The following RIMS1 variants were observed in gnomAD, a reference collection of about 807,000 sequenced individuals.
RIMS1 encodes the protein regulating synaptic membrane exocytosis 1, also known as regulating synaptic membrane exocytosis protein 1.
A neutral mutation model predicts 214.1 loss-of-function variants in RIMS1; 83 were observed. That is an observed-to-expected ratio of 0.39 (90% confidence interval 0.32 to 0.47). The LOEUF is 0.47. Among genes scored for constraint, RIMS1 ranks in the 20% least tolerant of loss-of-function variants. The pLI, the probability that RIMS1 is intolerant of heterozygous loss-of-function variation, is 0.99. For synonymous variants in RIMS1, 793 were observed against 786.8 expected (o/e 1.01, Z -0.13); for missense variants, 2,050 against 2,161.8 (o/e 0.95, Z 1.03).
intron 2 of RIMS1, among the ~76,000 whole-genome samples, chr6:72,041,342 G>A (rs1280381683): frequency 6.6e-6 from 1 of 151,714 alleles, no homozygotes. Flanking sequence ...AGATAATAGA[G>A]GTTTTGAAAA....
chr6:72,274,229 C>G, intron 22 of RIMS1, 120 bp from the exon 23 acceptor site: 3 of 570,396 alleles, frequency 5.3e-6, no homozygotes, highest in Non-Finnish European at 9.5e-6. Flanking sequence ...AATTATGGAG[C>G]AAAGAATCTA....
At chr6:72,219,911 C>G (rs1211516617) in intron 6 of RIMS1, among the ~76,000 whole-genome samples, 1 of 151,836 alleles carries the variant, frequency 6.6e-6, no homozygotes, top group African/African-American at 2.4e-5. Flanking sequence ...TAGCATATAT[C>G]TGAAATTGTC....
intron 2 of RIMS1, among the ~76,000 whole-genome samples, chr6:72,049,322 TA>T (rs760268928): frequency 8.5e-5 from 13 of 152,102 alleles, no homozygotes; most frequent in Non-Finnish European, 1.3e-4. Flanking sequence ...TCAGAGCCCG[TA>T]TTTGGGAACT....
intron 1 of RIMS1, among the ~76,000 whole-genome samples, chr6:71,936,091 C>A (rs1193886444): frequency 2.0e-5 from 3 of 151,754 alleles, no homozygotes; most frequent in African/African-American, 7.3e-5. Flanking sequence ...TGGCTCACGC[C>A]TGTAATCCCA....
chr6:72,164,844 G>A (rs573887309), intron 4 of RIMS1, among the ~76,000 whole-genome samples: 1 of 152,312 alleles, frequency 6.6e-6, no homozygotes, highest in East Asian at 1.9e-4. Context: ...AGAGAACAGT[G>A]TGGTCTCTTT....
intron 4 of RIMS1, among the ~76,000 whole-genome samples, chr6:72,161,429 G>C (rs540341411): frequency 7.1e-6 from 1 of 140,118 alleles, no homozygotes; most frequent in Admixed American, 7.3e-5. Context: ...CCTTCTGTTA[G>C]CTTTTGAATG....
At chr6:72,285,801 C>T (rs1037595585) in intron 24 of RIMS1, among the ~76,000 whole-genome samples, 20 of 152,196 alleles carry the variant, frequency 1.3e-4, no homozygotes, top group African/African-American at 4.3e-4. Flanking sequence ...CCATCATTTT[C>T]AGCCCCCTCT....
chr6:72,263,521 T>G (rs1295661637), intron 19 of RIMS1: 2 of 985,212 alleles, frequency 2.0e-6, no homozygotes, highest in Non-Finnish European at 2.4e-6. Context: ...TGTGCTATTT[T>G]CTAGCTGTTT....
chr6:72,246,600 T>C (rs567416620), intron 11 of RIMS1, among the ~76,000 whole-genome samples: 1 of 152,162 alleles, frequency 6.6e-6, no homozygotes, highest in South Asian at 2.1e-4. Flanking sequence ...AAACCAGTGA[T>C]AGTGATTAGA....
intron 17 of RIMS1, 128 bp downstream of exon 17, chr6:72,258,409 G>A: frequency 9.5e-7 from 1 of 1,048,874 alleles, no homozygotes; most frequent in Non-Finnish European, 1.3e-6. Context: ...ATTAATTGTA[G>A]GCAAAATTTT....
intron 6 of RIMS1, among the ~76,000 whole-genome samples, chr6:72,215,605 A>G (rs774490264): frequency 1.1e-4 from 16 of 152,204 alleles, no homozygotes; most frequent in Non-Finnish European, 2.4e-4. Context: ...AATAAAATTA[A>G]TAGACAGTAT....
rs1482361650 is a variant in RIMS1, at chr6:72,183,122, C to T, written c.1651C>T (p.Leu551=). 15 of 1,591,998 alleles carry T rather than the reference C, an allele frequency of 9.4e-6. No homozygotes were observed. The highest frequency in any genetic ancestry group is 1.2e-5 in the Non-Finnish European group (14 of 1,170,396). Residue 551 remains leucine, a synonymous_variant, in exon 6 of 34, where the codon CTG becomes TTG. Coordinates refer to ENST00000521978, the MANE Select transcript of RIMS1 (RefSeq NM_014989.7). ...PEYTSCEDVE[L]ESESVSEKGD... is the part of the protein sequence containing the mutation. The stretch of plus-strand genomic sequence containing the variant: ...GTACACCAGCTGCGAGGACGTGGAG[C>T]TGGAGAGCGAGAGCGTCAGCGAGAA...
intron 1 of RIMS1, among the ~76,000 whole-genome samples, chr6:71,925,065 T>G (rs1781210575): frequency 6.6e-6 from 1 of 152,170 alleles, no homozygotes. Flanking sequence ...TTTAAATAAC[T>G]GCTTATTGGA....
At chr6:72,077,089 G>A (rs1047810020) in intron 2 of RIMS1, among the ~76,000 whole-genome samples, 2 of 152,118 alleles carry the variant, frequency 1.3e-5, no homozygotes, top group East Asian at 1.9e-4. Flanking sequence ...GCCTTTGCAC[G>A]GGCTGCTCCA....
intron 2 of RIMS1, among the ~76,000 whole-genome samples, chr6:72,012,627 A>C (rs1276320858): frequency 1.3e-5 from 2 of 152,144 alleles, no homozygotes; most frequent in African/African-American, 4.8e-5. Context: ...GTATGCTGGG[A>C]CCTAAGAGGA....
At chr6:72,092,313 C>T (rs913840225) in intron 2 of RIMS1, among the ~76,000 whole-genome samples, 1 of 143,012 alleles carries the variant, frequency 7.0e-6, no homozygotes, top group Non-Finnish European at 1.5e-5. Context: ...TCCTTCCTTC[C>T]TTCCTTCCAT....
chr6:72,281,777 C>T (rs2090220927), intron 23 of RIMS1, among the ~76,000 whole-genome samples: 2 of 151,994 alleles, frequency 1.3e-5, no homozygotes, highest in Non-Finnish European at 2.9e-5. Flanking sequence ...TCCAACCACC[C>T]TACTTAAAAT....
At chr6:72,031,330 C>T (rs185532485) in intron 2 of RIMS1, among the ~76,000 whole-genome samples, 8 of 152,200 alleles carry the variant, frequency 5.3e-5, no homozygotes, top group African/African-American at 1.9e-4. Flanking sequence ...AATGATTAAA[C>T]AATACTTCTG....
chr6:71,896,255 T>C (rs1771734475), intron 1 of RIMS1, among the ~76,000 whole-genome samples: 1 of 152,180 alleles, frequency 6.6e-6, no homozygotes. Flanking sequence ...CTTCTTATAT[T>C]GAGAATGGAT....
Sources: gnomAD v4.1 joint callset for allele counts (sites outside exome capture counted in the v4.1 genomes callset) on GRCh38, gnomAD v4.1.1 for gene constraint, MANE v1.5 for transcripts, NCBI Gene and HGNC (gene_info 2026-07-23, HGNC 2026-07-21) for gene names.